GTF3C2: variants seen among roughly 807,000 people sequenced by gnomAD.
GTF3C2 encodes the protein general transcription factor 3C polypeptide 2.
In GTF3C2, 17 loss-of-function variants were observed where a neutral mutation model predicts 117.4. The observed-to-expected ratio is 0.14, with a 90% confidence interval of 0.10 to 0.22. The LOEUF is 0.22. GTF3C2 is among the 10% of genes least tolerant of loss of function. GTF3C2 has a pLI of 1.00. For missense variants in GTF3C2, 888 were observed against 1,143.6 expected, an observed-to-expected ratio of 0.78 and a Z score of 3.22; for synonymous variants, 437 against 427.0, an observed-to-expected ratio of 1.02 and a Z score of -0.29.
chr2:27,344,172 C>T (rs938244703), intron 1 of GTF3C2, among the ~76,000 whole-genome samples: 1 of 151,948 alleles, frequency 6.6e-6, no homozygotes, highest in African/African-American at 2.4e-5. Flanking sequence ...TCAAGGTGCG[C>T]ACCACCACGC....
chr2:27,338,722 T>G (rs1680600743), intron 4 of GTF3C2, among the ~76,000 whole-genome samples: 1 of 151,694 alleles, frequency 6.6e-6, no homozygotes, highest in South Asian at 2.1e-4. Context: ...TATTTTTTTG[T>G]AGAGACAAGG....
At position 27,329,305 on chromosome 2, in the gene GTF3C2, C is replaced by G. The variant is rs762029935; in HGVS notation, c.1878-23G>C. On this transcript the variant is annotated intron_variant, in intron 13 of 18. Transcript: ENST00000264720. This position sits in a 1 kb window ranked among gnomAD's most constrained non-coding sequence, Gnocchi z 4.5. ...TGGCTGTAAAAAGACGGGAGAAGGTCAAATCCAAACAAATCCGGAAGTCAG... is the reference window on the plus strand; with the variant it reads ...TGGCTGTAAAAAGACGGGAGAAGGTGAAATCCAAACAAATCCGGAAGTCAG... 19 of 1,613,938 alleles carry G rather than the reference C, an allele frequency of 1.2e-5. No individual in the cohort carries two copies. The Admixed American group carries it at 2.2e-4, about 18-fold the overall frequency.
intron 10 of GTF3C2, among the ~76,000 whole-genome samples, chr2:27,334,213 T>TC (rs1300769279): frequency 5.3e-5 from 8 of 151,690 alleles, no homozygotes; most frequent in Non-Finnish European, 7.4e-5. Context: ...TTTTTTTTTT[T>TC]CCTTTAGACC....
chr2:27,338,221 C>T (rs953922373), intron 4 of GTF3C2: 2 of 566,316 alleles, frequency 3.5e-6, no homozygotes, highest in Non-Finnish European at 6.3e-6. Context: ...ATCGAAAATG[C>T]AAAATCTGTT....
rs141638172 is a variant in GTF3C2 at position 27,354,711 on chromosome 2, A to G, written c.-25+2028T>C. The stretch of plus-strand genomic sequence containing the variant: ...CAGAGGGAGAGGTTGCAGTGAGCCG[A>G]TATCACGCCACTGCACTCCAGCCTG... On this transcript the variant is annotated intron_variant, in intron 1 of 18. Transcript: ENST00000264720. Among the ~76,000 whole-genome samples, 888 of 151,550 alleles carry G rather than the reference A, an allele frequency of 5.9e-3. 5 individuals carry two copies. Among genetic ancestry groups the G allele is most frequent in the Non-Finnish European group, 0.01 (707 of 67,814 alleles).
At chr2:27,328,062 T>A (rs755948070) in exon 17 of GTF3C2, 2 of 1,609,514 alleles carry the variant, frequency 1.2e-6, no homozygotes, top group Non-Finnish European at 1.7e-6. Flanking sequence ...AAAGAGCAAG[T>A]AGTGATGGTT....
chr2:27,327,022 G>T, intron 18 of GTF3C2, 129 bp from the exon 19 acceptor site: 2 of 703,826 alleles, frequency 2.8e-6, no homozygotes, highest in Non-Finnish European at 4.8e-6. Flanking sequence ...GGTGACAGAG[G>T]TAAGAATGAA....
At chr2:27,335,127 CT>C (rs934258480) in intron 10 of GTF3C2, among the ~76,000 whole-genome samples, 1 of 152,216 alleles carries the variant, frequency 6.6e-6, no homozygotes, top group Non-Finnish European at 1.5e-5. Flanking sequence ...TAGGAGCTGC[CT>C]TTTCCTGACT....
chr2:27,331,768 G>A (rs556602977), intron 12 of GTF3C2, among the ~76,000 whole-genome samples: 46 of 151,980 alleles, frequency 3.0e-4, no homozygotes, highest in Non-Finnish European at 5.6e-4. Context: ...GCGAAACCCC[G>A]TCTCTACAAA....
intron 1 of GTF3C2, chr2:27,350,288 A>G (rs1572584513): frequency 2.5e-6 from 1 of 398,892 alleles, no homozygotes; most frequent in East Asian, 1.6e-4. Flanking sequence ...TTAAAATGCA[A>G]ATTCCTAGTT....
intron 1 of GTF3C2, among the ~76,000 whole-genome samples, chr2:27,344,629 A>G (rs1680854741): frequency 6.6e-6 from 1 of 152,216 alleles, no homozygotes; most frequent in South Asian, 2.1e-4. Context: ...CAAAGTGAAG[A>G]GGCATACTTA....
In GTF3C2 at chr2:27,342,285, C is replaced by T. The variant is rs373036992; in HGVS notation, c.570-52G>A. ...ATTCTCACATATGACTGAGAACCCA[C>T]GTTTCCAGACATGGTTGATTTTTAT... On this transcript the variant is annotated intron_variant, in intron 3 of 18. Transcript: ENST00000264720. 2.2e-4 allele frequency: 316 copies of T among 1,449,638 alleles called. No individual in the cohort carries two copies. The East Asian group carries it at 2.5e-3, about 12-fold the overall frequency. 89.8% of individuals were successfully genotyped at this position (1,449,638 alleles called of 1,614,324 possible).
At chr2:27,342,298 G>C (rs1401973111) in intron 3 of GTF3C2, 65 bp from the exon 4 acceptor site, 1 of 1,369,546 alleles carries the variant, frequency 7.3e-7, no homozygotes, top group East Asian at 2.4e-5. Context: ...TTCCAGACAT[G>C]GTTGATTTTT....
chr2:27,333,517 A>ATTT, intron 12 of GTF3C2, 138 bp downstream of exon 12: 3 of 511,422 alleles, frequency 5.9e-6, no homozygotes, highest in Non-Finnish European at 1.0e-5. Context: ...ATTTCTTTCT[A>ATTT]TTTTTTTTTT....
rs775687203 is a variant in GTF3C2 at position 27,337,465 on chromosome 2, T to C, written c.1028+16A>G. 1.3e-6 allele frequency: 2 copies of C among 1,584,550 alleles called. No individual in the cohort carries two copies. The highest frequency in any genetic ancestry group is 2.2e-5 in the East Asian group (1 of 44,726). ...TGTCACCCTTCCTAAGCTACAGAGA[T>C]GTTGCTTCAACTTACAGCTCAGATA... On this transcript the variant is annotated intron_variant, in intron 6 of 18. Transcript: ENST00000264720.
chr2:27,355,313 A>G (rs1259529510), intron 1 of GTF3C2, among the ~76,000 whole-genome samples: 1 of 152,070 alleles, frequency 6.6e-6, no homozygotes, highest in Non-Finnish European at 1.5e-5. Flanking sequence ...ACGAGGTCAC[A>G]AGTTCGAGAC....
At chr2:27,336,199 A>G (rs1680470632) in exon 8 of GTF3C2, 2 of 1,611,350 alleles carry the variant, frequency 1.2e-6, no homozygotes, top group East Asian at 4.5e-5. Flanking sequence ...CCACCTCACC[A>G]GCTTTCTTGC....
At chr2:27,328,759 C>G in intron 15 of GTF3C2, 85 bp downstream of exon 15, 2 of 1,134,768 alleles carry the variant, frequency 1.8e-6, no homozygotes, top group South Asian at 2.6e-5. Context: ...TCCTTCTACC[C>G]AAAACTACTG....
At chr2:27,354,593 A>G (rs576762367) in intron 1 of GTF3C2, among the ~76,000 whole-genome samples, 1 of 152,178 alleles carries the variant, frequency 6.6e-6, no homozygotes, top group East Asian at 1.9e-4. Context: ...CATCTCTACT[A>G]AAAATATAAA....
Sources: gnomAD v4.1 joint callset for allele counts (sites outside exome capture counted in the v4.1 genomes callset) on GRCh38, gnomAD v4.1.1 for gene constraint, Gnocchi (gnomAD v3.1) non-coding constraint, MANE v1.5 for transcripts, NCBI Gene and HGNC (gene_info 2026-07-23, HGNC 2026-07-21) for gene names.